Variants in NGEF observed in about 807,000 individuals in gnomAD.
NGEF encodes neuronal guanine nucleotide exchange factor, also known as ephexin-1.
A neutral mutation model predicts 80.9 loss-of-function variants in NGEF; 31 were observed. The observed-to-expected ratio is 0.38, with a 90% CI of 0.29 to 0.52. The LOEUF (loss-of-function observed/expected upper bound fraction) is 0.52, where lower values mean the gene tolerates loss of function less well. Ranked by LOEUF, NGEF falls within the 20% of genes least tolerant of loss-of-function variation. The pLI is 0.84. For missense variants in NGEF, 709 were observed against 926.2 expected (o/e 0.77, Z 3.04); for synonymous variants, 371 against 370.2 (o/e 1.00, Z -0.03).
At position 232,894,830 on chromosome 2, in the gene NGEF, T is replaced by C. The variant is rs1692006401; in HGVS notation, c.915A>G (p.Ile305Met). 6.2e-7 allele frequency: 1 copy of C among 1,611,728 alleles called. No individual in the cohort carries two copies. Residue 305 changes from isoleucine (I) to methionine (M), a missense_variant, in exon 6 of 15, where the codon ATA becomes ATG. Coordinates refer to ENST00000264051, the MANE Select transcript of NGEF (RefSeq NM_019850.3). ...CCTCGGACGGGTGCAGGATCTTCCT[T>C]ATCCGCTCGTTCTCCATGAAGTGGG... is the stretch of plus-strand genomic sequence containing the variant. Reference protein sequence around the residue: ...LVSHFMENERIRKILHPSEAH... With the variant: ...LVSHFMENERMRKILHPSEAH...
chr2:232,969,452 T>TCCTA (rs1694137763), intron 3 of NGEF, among the ~76,000 whole-genome samples: 1 of 55,102 alleles, frequency 1.8e-5, no homozygotes. Flanking sequence ...TCCCTCCCCT[T>TCCTA]CCTTCCTTCC....
chr2:232,910,505 G>GTGA (rs889353955), intron 5 of NGEF, among the ~76,000 whole-genome samples: 3 of 152,172 alleles, frequency 2.0e-5, no homozygotes, highest in South Asian at 2.1e-4. Flanking sequence ...TAGACATCCT[G>GTGA]TGATGCACAA....
intron 9 of NGEF, among the ~76,000 whole-genome samples, chr2:232,886,789 T>C (rs980093348): frequency 6.6e-6 from 1 of 152,232 alleles, no homozygotes; most frequent in Non-Finnish European, 1.5e-5. Context: ...TGGCCCCGTG[T>C]GGCTGCTGTC....
chr2:232,898,667 C>T (rs1315518001), intron 5 of NGEF, among the ~76,000 whole-genome samples: 1 of 152,228 alleles, frequency 6.6e-6, no homozygotes, highest in Non-Finnish European at 1.5e-5. Context: ...TTCATTCATT[C>T]ACTCGTTCGT....
chr2:232,950,996 C>A (rs1693667826), intron 3 of NGEF, among the ~76,000 whole-genome samples: 1 of 152,218 alleles, frequency 6.6e-6, no homozygotes, highest in African/African-American at 2.4e-5. Flanking sequence ...GACAGATGAT[C>A]AGGCCTCAGA....
intron 4 of NGEF, among the ~76,000 whole-genome samples, chr2:232,926,800 T>C (rs1179111807): frequency 2.0e-5 from 3 of 152,280 alleles, no homozygotes; most frequent in Non-Finnish European, 4.4e-5. Context: ...GCTGGGCAAA[T>C]AGACCTCTCC....
At chr2:233,000,419 C>A (rs1473961220) in intron 1 of NGEF, among the ~76,000 whole-genome samples, 2 of 151,914 alleles carry the variant, frequency 1.3e-5, no homozygotes, top group Non-Finnish European at 2.9e-5. Flanking sequence ...TATGAGGGTA[C>A]TGATTCCATC....
intron 8 of NGEF, among the ~76,000 whole-genome samples, chr2:232,888,494 C>T (rs766537221): frequency 2.0e-5 from 3 of 151,602 alleles, no homozygotes; most frequent in Non-Finnish European, 4.4e-5. Context: ...CATGTACACA[C>T]GTGTACAAAC....
intron 1 of NGEF, among the ~76,000 whole-genome samples, chr2:232,992,109 A>G (rs1164701296): frequency 2.6e-5 from 4 of 152,236 alleles, no homozygotes; most frequent in Non-Finnish European, 5.9e-5. Context: ...TGTAAGGGGT[A>G]AAACCATAAA....
Position 232,885,273 on chromosome 2 carries a change from G to A in NGEF, c.1437+7C>T, listed in dbSNP as rs376666342. 131 of 1,613,174 alleles carry A rather than the reference G, an allele frequency of 8.1e-5. No homozygotes were observed. Among genetic ancestry groups the A allele is most frequent in the South Asian group, 8.0e-4 (73 of 91,060 alleles). On this transcript the variant is annotated splice_region_variant and intron_variant, in intron 10 of 14. Transcript: ENST00000264051. ...GGCACAGGCTCACACCAATCCCACCGGTTCACCTTGATCTTGAACTCCATC... is the reference window on the plus strand; with the variant it reads ...GGCACAGGCTCACACCAATCCCACCAGTTCACCTTGATCTTGAACTCCATC...
At chr2:232,998,403 G>A (rs1694900558) in intron 1 of NGEF, among the ~76,000 whole-genome samples, 1 of 152,152 alleles carries the variant, frequency 6.6e-6, no homozygotes, top group Non-Finnish European at 1.5e-5. Context: ...CCTGCGAGGT[G>A]GAGCATGGCG....
At chr2:233,010,519 G>C (rs1695180151) in intron 1 of NGEF, among the ~76,000 whole-genome samples, 1 of 152,176 alleles carries the variant, frequency 6.6e-6, no homozygotes, top group African/African-American at 2.4e-5. Context: ...CTCCATGCAG[G>C]CCTTGCTGAT....
At chr2:233,003,788 C>T (rs755899573) in intron 1 of NGEF, among the ~76,000 whole-genome samples, 4 of 152,088 alleles carry the variant, frequency 2.6e-5, no homozygotes, top group Admixed American at 6.5e-5. Context: ...CAGGAGGCGC[C>T]CTGAGTCCCA....
chr2:233,005,114 T>C (rs1695059159), intron 1 of NGEF, among the ~76,000 whole-genome samples: 1 of 152,192 alleles, frequency 6.6e-6, no homozygotes, highest in Admixed American at 6.5e-5. Flanking sequence ...TTGTCCTCGA[T>C]GGATTCTGCG....
intron 2 of NGEF, among the ~76,000 whole-genome samples, chr2:232,971,723 A>G (rs1694188049): frequency 2.0e-5 from 3 of 152,136 alleles, no homozygotes; most frequent in South Asian, 4.1e-4. Flanking sequence ...TCTGATGAAA[A>G]CATTTATGGC....
intron 1 of NGEF, among the ~76,000 whole-genome samples, chr2:233,012,433 T>TGAAG: frequency 6.6e-6 from 1 of 152,344 alleles, no homozygotes; most frequent in Non-Finnish European, 1.5e-5. Context: ...GGGTAGGGCC[T>TGAAG]TCTGTCTTTC....
intron 4 of NGEF, among the ~76,000 whole-genome samples, chr2:232,920,835 G>A (rs1233506691): frequency 6.6e-6 from 1 of 151,980 alleles, no homozygotes; most frequent in African/African-American, 2.4e-5. Flanking sequence ...TGCCCGAATG[G>A]ACTCAAAATC....
intron 5 of NGEF, chr2:232,901,394 G>A (rs1378650249): frequency 5.2e-5 from 51 of 985,362 alleles, no homozygotes; most frequent in Non-Finnish European, 5.4e-5. Context: ...AGGGTTCGCC[G>A]TGGACCTCTG....
chr2:232,957,383 C>T (rs780419889), intron 3 of NGEF, among the ~76,000 whole-genome samples: 6 of 152,052 alleles, frequency 3.9e-5, no homozygotes, highest in South Asian at 2.1e-4. Context: ...GGTGCAGTGG[C>T]GCAATCTGGA....
Sources: gnomAD v4.1 joint callset for allele counts (sites outside exome capture counted in the v4.1 genomes callset) on GRCh38, gnomAD v4.1.1 for gene constraint, MANE v1.5 for transcripts, NCBI Gene and HGNC (gene_info 2026-07-23, HGNC 2026-07-21) for gene names.